SAMTOR: variants seen among roughly 807,000 people sequenced by gnomAD.
SAMTOR encodes S-adenosylmethionine sensor upstream of mTORC1.
chr7:112,868,459 T>G, the SAMTOR span, among the ~76,000 whole-genome samples: 1 of 152,166 alleles, frequency 6.6e-6, no homozygotes, highest in Non-Finnish European at 1.5e-5. Flanking sequence ...TGTCTTCCTG[T>G]GTGTCTCACT....
the SAMTOR span, among the ~76,000 whole-genome samples, chr7:112,883,264 C>T: frequency 3.9e-5 from 6 of 152,122 alleles, no homozygotes; most frequent in Non-Finnish European, 5.9e-5. Flanking sequence ...AAAAACATGA[C>T]CCTGCTATTC....
chr7:112,914,276 GTTT>G, the SAMTOR span, among the ~76,000 whole-genome samples: 8 of 130,986 alleles, frequency 6.1e-5, no homozygotes, highest in Admixed American at 7.8e-5. Context: ...TTAGCCTCTA[GTTT>G]TTTTTTTTTT....
the SAMTOR span, among the ~76,000 whole-genome samples, chr7:112,922,434 G>C: frequency 6.6e-6 from 1 of 152,130 alleles, no homozygotes; most frequent in East Asian, 1.9e-4. Context: ...GGGATGTGAG[G>C]AGCCCCTCTG....
chr7:112,900,970 T>C, the SAMTOR span, among the ~76,000 whole-genome samples: 1 of 152,218 alleles, frequency 6.6e-6, no homozygotes, highest in Non-Finnish European at 1.5e-5. Flanking sequence ...CTAGATGGCA[T>C]TGGGTATGGT....
chr7:112,858,772 A>G, the SAMTOR span, among the ~76,000 whole-genome samples: 7 of 152,322 alleles, frequency 4.6e-5, no homozygotes, highest in African/African-American at 1.7e-4. Flanking sequence ...AATATTACTT[A>G]CAAGTGTGGG....
At chr7:112,934,828 T>C in the SAMTOR span, among the ~76,000 whole-genome samples, 1 of 152,234 alleles carries the variant, frequency 6.6e-6, no homozygotes, top group Non-Finnish European at 1.5e-5. Flanking sequence ...TTCTAGTGTA[T>C]CTTTTCAACT....
the SAMTOR span, chr7:112,819,780 C>T: frequency 1.3e-5 from 2 of 152,548 alleles, no homozygotes; most frequent in African/African-American, 4.8e-5. Flanking sequence ...CAGGGTCATA[C>T]TATACCAGCC....
chr7:112,924,791 G>A, the SAMTOR span, among the ~76,000 whole-genome samples: 2 of 144,130 alleles, frequency 1.4e-5, no homozygotes, highest in East Asian at 2.1e-4. Context: ...AATAAATTAT[G>A]ATTTATTTTA....
At chr7:112,824,245 C>A in the SAMTOR span, among the ~76,000 whole-genome samples, 2 of 152,112 alleles carry the variant, frequency 1.3e-5, no homozygotes, top group African/African-American at 4.8e-5. Flanking sequence ...TCTAAAAAGT[C>A]TTTTCCTATC....
the SAMTOR span, among the ~76,000 whole-genome samples, chr7:112,924,069 G>A: frequency 1.3e-5 from 2 of 151,550 alleles, no homozygotes; most frequent in Non-Finnish European, 2.9e-5. Context: ...GGGAGGGATA[G>A]CATTAGGAGA....
chr7:112,905,868 C>T, the SAMTOR span, among the ~76,000 whole-genome samples: 1 of 151,968 alleles, frequency 6.6e-6, no homozygotes, highest in Non-Finnish European at 1.5e-5. Context: ...GAATAAAGCA[C>T]AGCTACGTAA....
chr7:112,838,166 T>A, the SAMTOR span, among the ~76,000 whole-genome samples: 6 of 151,944 alleles, frequency 3.9e-5, no homozygotes, highest in African/African-American at 1.4e-4. Context: ...GAGGTTTATG[T>A]GTAGAATGAG....
the SAMTOR span, among the ~76,000 whole-genome samples, chr7:112,926,556 TGAG>T: frequency 6.6e-6 from 1 of 152,200 alleles, no homozygotes; most frequent in Non-Finnish European, 1.5e-5. Context: ...TCATTAACAT[TGAG>T]GAGTCTGCAG....
the SAMTOR span, among the ~76,000 whole-genome samples, chr7:112,938,137 A>G: frequency 7.2e-5 from 11 of 152,194 alleles, no homozygotes; most frequent in Non-Finnish European, 1.5e-4. Context: ...TCTACAGTGA[A>G]TTCCATTATG....
At chr7:112,883,252 AT>A in the SAMTOR span, among the ~76,000 whole-genome samples, 1 of 152,182 alleles carries the variant, frequency 6.6e-6, no homozygotes, top group Non-Finnish European at 1.5e-5. Flanking sequence ...GTAGATTGTT[AT>A]AAAAACATGA....
chr7:112,936,255 T>C, the SAMTOR span, among the ~76,000 whole-genome samples: 1 of 152,190 alleles, frequency 6.6e-6, no homozygotes, highest in Admixed American at 6.5e-5. Flanking sequence ...ACACCAGAAA[T>C]ACCCCTTCGC....
the SAMTOR span, chr7:112,895,490 A>G: frequency 9.7e-7 from 1 of 1,030,710 alleles, no homozygotes; most frequent in Non-Finnish European, 1.3e-6. Flanking sequence ...TAAACTGCTC[A>G]CTGTTTAGTA....
the SAMTOR span, among the ~76,000 whole-genome samples, chr7:112,859,220 G>A: frequency 6.6e-6 from 1 of 152,066 alleles, no homozygotes; most frequent in African/African-American, 2.4e-5. Context: ...CTTAAAATAA[G>A]TTTCTATCTC....
At chr7:112,896,120 TAGAC>T in the SAMTOR span, among the ~76,000 whole-genome samples, 3 of 152,184 alleles carry the variant, frequency 2.0e-5, no homozygotes, top group South Asian at 6.2e-4. Context: ...TTACTAGTAG[TAGAC>T]AGATAACCCA....
Sources: gnomAD v4.1 joint callset for allele counts (sites outside exome capture counted in the v4.1 genomes callset) on GRCh38, gnomAD v4.1.1 for gene constraint, MANE v1.5 for transcripts, NCBI Gene and HGNC (gene_info 2026-07-23, HGNC 2026-07-21) for gene names.